Variants in ASTN2 observed in about 807,000 individuals in gnomAD.
ASTN2 encodes the protein astrotactin 2.
In ASTN2, 54 loss-of-function variants were observed where a neutral mutation model predicts 139.8. That is an observed-to-expected ratio of 0.39 (90% confidence interval 0.31 to 0.48). The LOEUF is 0.48. Among genes scored for constraint, ASTN2 ranks in the 20% least tolerant of loss-of-function variants. ASTN2 has a pLI of 0.95. For missense variants in ASTN2, 1,565 were observed against 1,725.1 expected (o/e 0.91, Z 1.64); for synonymous variants, 756 against 719.5 (o/e 1.05, Z -0.81).
chr9:117,340,473 A>T (rs1829033130), intron 1 of ASTN2, among the ~76,000 whole-genome samples: 1 of 151,570 alleles, frequency 6.6e-6, no homozygotes, highest in South Asian at 2.1e-4. Context: ...TTTTTCTGCC[A>T]CCTCTAAAGA....
intron 5 of ASTN2, among the ~76,000 whole-genome samples, chr9:117,076,129 G>A (rs77581295): frequency 0.052 from 7,945 of 152,278 alleles, 472 homozygotes; most frequent in African/African-American, 0.14. Flanking sequence ...GAATATGAGA[G>A]AGAGCTGTGA....
chr9:116,762,117 C>T (rs966087691), intron 13 of ASTN2, among the ~76,000 whole-genome samples: 1 of 152,188 alleles, frequency 6.6e-6, no homozygotes, highest in African/African-American at 2.4e-5. Flanking sequence ...AAGTGACCTA[C>T]AAGGTCTGAG....
chr9:117,086,438 G>A (rs1477595010), intron 5 of ASTN2, among the ~76,000 whole-genome samples: 1 of 152,134 alleles, frequency 6.6e-6, no homozygotes, highest in Non-Finnish European at 1.5e-5. Flanking sequence ...GCCAAACATG[G>A]TGGCACGTGC....
At chr9:117,347,327 A>C (rs1446081639) in intron 1 of ASTN2, among the ~76,000 whole-genome samples, 1 of 152,074 alleles carries the variant, frequency 6.6e-6, no homozygotes, top group Non-Finnish European at 1.5e-5. Flanking sequence ...GATGGCTGTC[A>C]ACAATGAGAG....
At chr9:116,450,103 C>A (rs1564285152) in intron 20 of ASTN2, among the ~76,000 whole-genome samples, 1 of 152,206 alleles carries the variant, frequency 6.6e-6, no homozygotes, top group Non-Finnish European at 1.5e-5. Context: ...AACTAACAAG[C>A]ATTGCAAGCA....
At chr9:117,257,407 T>C (rs886133008) in intron 2 of ASTN2, among the ~76,000 whole-genome samples, 5 of 152,098 alleles carry the variant, frequency 3.3e-5, no homozygotes, top group Admixed American at 6.6e-5. Context: ...AGATTTTAGG[T>C]CAATCTGGAG....
At chr9:117,186,503 C>T (rs961720468) in intron 3 of ASTN2, among the ~76,000 whole-genome samples, 26 of 152,014 alleles carry the variant, frequency 1.7e-4, no homozygotes, top group Non-Finnish European at 2.5e-4. Context: ...GCCGAAATCA[C>T]GCCACTGCAC....
chr9:117,057,891 A>G (rs955013010), intron 5 of ASTN2, among the ~76,000 whole-genome samples: 7 of 152,220 alleles, frequency 4.6e-5, no homozygotes, highest in Admixed American at 2.6e-4. Context: ...AAGATAAAAT[A>G]GGCATAACTA....
intron 13 of ASTN2, among the ~76,000 whole-genome samples, chr9:116,749,820 C>T (rs1056295912): frequency 3.9e-5 from 6 of 152,076 alleles, no homozygotes; most frequent in East Asian, 1.9e-4. Context: ...GTTGTTTAAG[C>T]GAGTGTGGCA....
chr9:117,284,803 A>T lies in ASTN2; in HGVS notation c.630+6523T>A, dbSNP rs374188721. On this transcript the variant is annotated intron_variant, in intron 2 of 22. Transcript: ENST00000313400. ...TTCTCACAACAGCCCCTCTTTAGAC[A>T]GGTAATTCCATCAGAGAAAGTACAT... Among the ~76,000 whole-genome samples the T allele has an allele frequency of 2.6e-5, 4 of 152,222 alleles. No individual in the cohort carries two copies. In the South Asian group the frequency reaches 6.2e-4, roughly 24 times the overall value.
intron 10 of ASTN2, among the ~76,000 whole-genome samples, chr9:116,956,252 C>T (rs906223558): frequency 6.6e-5 from 10 of 150,406 alleles, no homozygotes; most frequent in East Asian, 3.9e-4. Context: ...TGTGCCACCA[C>T]GTCTGGCTAA....
At chr9:116,775,559 G>A (rs371678902) in intron 13 of ASTN2, among the ~76,000 whole-genome samples, 32 of 105,760 alleles carry the variant, frequency 3.0e-4, no homozygotes, top group African/African-American at 1.2e-3. Context: ...GGGAGGGGAT[G>A]GAAGGGAGGG....
At chr9:117,165,013 G>A (rs993567421) in intron 3 of ASTN2, among the ~76,000 whole-genome samples, 1 of 152,034 alleles carries the variant, frequency 6.6e-6, no homozygotes, top group Non-Finnish European at 1.5e-5. Context: ...AAGAAGATAT[G>A]GCTGGTGTAG....
chr9:116,479,834 CCT>C (rs1849109075), intron 20 of ASTN2, among the ~76,000 whole-genome samples: 1 of 152,154 alleles, frequency 6.6e-6, no homozygotes, highest in Non-Finnish European at 1.5e-5. Flanking sequence ...CACTCTGACC[CCT>C]GTCATTTCTA....
chr9:116,969,861 T>C (rs1379001100), intron 10 of ASTN2, among the ~76,000 whole-genome samples: 1 of 152,198 alleles, frequency 6.6e-6, no homozygotes, highest in Non-Finnish European at 1.5e-5. Flanking sequence ...ACATAGTTTC[T>C]GTGGCTGCTG....
At chr9:116,760,192 C>T (rs114085305) in intron 13 of ASTN2, among the ~76,000 whole-genome samples, 6,164 of 152,298 alleles carry the variant, frequency 0.04, 399 homozygotes, top group African/African-American at 0.14. Flanking sequence ...CAAAACTTCC[C>T]TGGGCTGGGA....
chr9:117,198,151 T>C (rs1310790118), intron 3 of ASTN2, among the ~76,000 whole-genome samples: 2 of 152,026 alleles, frequency 1.3e-5, no homozygotes, highest in African/African-American at 2.4e-5. Flanking sequence ...GCTGTACCTA[T>C]TGAGTGGTCC....
chr9:116,579,529 A>C (rs1038447236), intron 19 of ASTN2, among the ~76,000 whole-genome samples: 2 of 152,192 alleles, frequency 1.3e-5, no homozygotes, highest in African/African-American at 4.8e-5. Context: ...ACTGTGAGAA[A>C]GTCATCTTTA....
intron 2 of ASTN2, among the ~76,000 whole-genome samples, chr9:117,280,607 G>A (rs951562715): frequency 2.6e-5 from 4 of 152,126 alleles, no homozygotes; most frequent in Non-Finnish European, 5.9e-5. Flanking sequence ...AGGCAAGACA[G>A]GATTCTCCCT....
Sources: allele counts gnomAD v4.1 joint callset (sites outside exome capture counted in the v4.1 genomes callset), GRCh38; gene constraint gnomAD v4.1.1; transcripts MANE v1.5; gene names NCBI Gene and HGNC (gene_info 2026-07-23, HGNC 2026-07-21).